GRIP2: variants seen among roughly 807,000 people sequenced by gnomAD.
GRIP2 encodes glutamate receptor-interacting protein 2.
In GRIP2, 58 loss-of-function variants were observed where a neutral mutation model predicts 108.3. That is an observed-to-expected ratio of 0.54 (90% CI 0.43 to 0.67). The LOEUF (loss-of-function observed/expected upper bound fraction) is 0.67. GRIP2 is among the 30% of genes least tolerant of loss of function. The probability of loss-of-function intolerance (pLI) is 0.00; values close to 1 mark genes in which losing one functional copy is unlikely to be tolerated. For missense variants in GRIP2, 1,278 were observed against 1,430.6 expected (o/e 0.89, Z 1.72); for synonymous variants, 586 against 598.2 (o/e 0.98, Z 0.30).
the GRIP2 span, among the ~76,000 whole-genome samples, chr3:14,568,275 A>AGAG: frequency 1.3e-5 from 2 of 152,178 alleles, no homozygotes; most frequent in African/African-American, 4.8e-5. Context: ...AGACCAGTGA[A>AGAG]GAGGCCACTG....
chr3:14,567,986 C>T, the GRIP2 span, among the ~76,000 whole-genome samples: 2 of 152,210 alleles, frequency 1.3e-5, no homozygotes, highest in African/African-American at 4.8e-5. Flanking sequence ...AGGCAAAGAA[C>T]ACGGCCCATG....
rs541873171 is a variant in GRIP2 at position 14,507,229 on chromosome 3, G to A, written c.2219-249C>T. Among the ~76,000 whole-genome samples, 1 of 152,364 alleles carries A rather than the reference G, an allele frequency of 6.6e-6. No homozygotes were observed. Among genetic ancestry groups the A allele is most frequent in the East Asian group, 1.9e-4 (1 of 5,178 alleles). On this transcript the variant is annotated intron_variant, in intron 18 of 23. Transcript: ENST00000621039. The surrounding 1 kb of genome is among the most constrained non-coding windows in gnomAD (Gnocchi z 4.6). Reference sequence around the variant, plus strand: ...AGGATTAGCTCAGGCCCCTTCCACTGCCTATGGTGGCCTTTCTACCAAGGC... The same window carrying A: ...AGGATTAGCTCAGGCCCCTTCCACTACCTATGGTGGCCTTTCTACCAAGGC...
intron 5 of GRIP2, 54 bp downstream of exon 5, chr3:14,523,558 T>A: frequency 9.1e-7 from 1 of 1,104,086 alleles, no homozygotes; most frequent in South Asian, 1.3e-5. Context: ...CACATGGAAT[T>A]AGTATTAGCC....
upstream of GRIP2, among the ~76,000 whole-genome samples, chr3:14,560,216 T>C (rs1474432014): frequency 2.0e-5 from 3 of 152,092 alleles, no homozygotes; most frequent in African/African-American, 4.8e-5. Context: ...ATCGTAGCAC[T>C]GCATTCCAGC....
chr3:14,547,273 G>A (rs151196038), intron 1 of GRIP2, among the ~76,000 whole-genome samples: 44 of 152,284 alleles, frequency 2.9e-4, no homozygotes, highest in African/African-American at 7.5e-4. Flanking sequence ...ATTATGTATC[G>A]AAAGCAGACA....
chr3:14,590,071 G>A, the GRIP2 span, among the ~76,000 whole-genome samples: 7 of 152,004 alleles, frequency 4.6e-5, no homozygotes, highest in Non-Finnish European at 1.0e-4. Flanking sequence ...GGATTACAGG[G>A]GTGAGCCACC....
chr3:14,499,587 G>T (rs924125829), intron 21 of GRIP2, among the ~76,000 whole-genome samples: 1 of 152,038 alleles, frequency 6.6e-6, no homozygotes, highest in Admixed American at 6.6e-5. Context: ...ACCAAGCGTG[G>T]TGGTGCATGC....
At chr3:14,586,375 C>A in the GRIP2 span, among the ~76,000 whole-genome samples, 1 of 152,128 alleles carries the variant, frequency 6.6e-6, no homozygotes, top group Admixed American at 6.5e-5. Flanking sequence ...CTGGCATGTG[C>A]GAGTTAAACA....
At chr3:14,579,593 G>A in the GRIP2 span, among the ~76,000 whole-genome samples, 8 of 151,988 alleles carry the variant, frequency 5.3e-5, no homozygotes, top group Admixed American at 1.3e-4. Context: ...GCCCAACCAC[G>A]CCAGTTCTAC....
chr3:14,553,533 C>A (rs1353635809), intron 1 of GRIP2, among the ~76,000 whole-genome samples: 2 of 152,146 alleles, frequency 1.3e-5, no homozygotes, highest in Admixed American at 1.3e-4. Flanking sequence ...TTGCTTCCTT[C>A]TAGAGGCAAT....
intron 22 of GRIP2, among the ~76,000 whole-genome samples, chr3:14,495,452 G>A (rs1283263973): frequency 6.6e-6 from 1 of 152,110 alleles, no homozygotes. Context: ...TGTCACCCAG[G>A]CTGGAGTGCA....
chr3:14,493,844 A>T lies in GRIP2; in HGVS notation c.2971-18T>A. 6.2e-7 allele frequency: 1 copy of T among 1,603,742 alleles called. No individual in the cohort carries two copies. On this transcript the variant is annotated intron_variant, in intron 23 of 23. Coordinates refer to ENST00000621039, the MANE Select transcript of GRIP2 (RefSeq NM_001080423.4). ...TGGTTGACCTGCATGGGGCACAAGC[A>T]AGGGAACAGAACCGAGATGTCAGCC...
intron 1 of GRIP2, among the ~76,000 whole-genome samples, chr3:14,539,650 C>T (rs1284722390): frequency 6.6e-6 from 1 of 152,178 alleles, no homozygotes; most frequent in African/African-American, 2.4e-5. Flanking sequence ...TGAGCCCAGG[C>T]TGAGGCTGGA....
chr3:14,558,563 C>A (rs9826010), upstream of GRIP2, among the ~76,000 whole-genome samples: 33,513 of 152,080 alleles, frequency 0.22, 4,053 homozygotes, highest in South Asian at 0.33. Context: ...GAGGCCGAGG[C>A]TCCCAGGGTG....
chr3:14,524,004 C>T, intron 4 of GRIP2: 1 of 490,158 alleles, frequency 2.0e-6, no homozygotes, highest in Non-Finnish European at 3.7e-6. Flanking sequence ...GTTACTCAAA[C>T]TTCAAGACTT....
At chr3:14,574,039 A>G in the GRIP2 span, 1 of 1,497,824 alleles carries the variant, frequency 6.7e-7, no homozygotes, top group Non-Finnish European at 9.3e-7. Context: ...GGCCCGATCC[A>G]GAAGTTCTCC....
intron 1 of GRIP2, among the ~76,000 whole-genome samples, chr3:14,535,197 C>T (rs959501312): frequency 2.6e-5 from 4 of 152,168 alleles, no homozygotes; most frequent in Middle Eastern, 3.2e-3. Flanking sequence ...CAGCCAGCTT[C>T]GCCCCACCAT....
intron 1 of GRIP2, among the ~76,000 whole-genome samples, chr3:14,549,796 G>A (rs1029595564): frequency 6.6e-6 from 1 of 152,212 alleles, no homozygotes; most frequent in African/African-American, 2.4e-5. Flanking sequence ...CTGGAGCCCA[G>A]AGACAGCTCA....
chr3:14,496,684 C>A, intron 21 of GRIP2, 124 bp from the exon 22 acceptor site: 3 of 1,342,924 alleles, frequency 2.2e-6, no homozygotes, highest in Non-Finnish European at 2.9e-6. Flanking sequence ...CAGACATGGT[C>A]CCTGCCCATT....
Sources: allele counts gnomAD v4.1 joint callset (sites outside exome capture counted in the v4.1 genomes callset), GRCh38; gene constraint gnomAD v4.1.1; non-coding constraint Gnocchi (gnomAD v3.1); transcripts MANE v1.5; gene names NCBI Gene and HGNC (gene_info 2026-07-23, HGNC 2026-07-21).